Variants in DNAAF11 observed in about 807,000 individuals in gnomAD.
DNAAF11 encodes leucine rich repeat containing 6.
In DNAAF11, 45 loss-of-function variants were observed where a neutral mutation model predicts 60.8. The ratio of observed to expected loss-of-function variants is 0.74; its 90% CI spans 0.58 to 0.95. DNAAF11 has a LOEUF of 0.95. Ranked by LOEUF, DNAAF11 falls within the 40% of genes least tolerant of loss-of-function variation. The pLI is 0.00. For missense variants in DNAAF11, 546 were observed against 546.2 expected (o/e 1.00, Z 0.00); for synonymous variants, 191 against 183.5 (o/e 1.04, Z -0.33).
At chr8:132,691,750 C>A in the DNAAF11 span, among the ~76,000 whole-genome samples, 2 of 152,046 alleles carry the variant, frequency 1.3e-5, no homozygotes, top group Non-Finnish European at 2.9e-5. Flanking sequence ...GAAACCACCC[C>A]CATCATCCAG....
intron 7 of DNAAF11, among the ~76,000 whole-genome samples, chr8:132,615,307 T>C (rs1424317242): frequency 6.6e-6 from 1 of 152,224 alleles, no homozygotes; most frequent in Non-Finnish European, 1.5e-5. Flanking sequence ...GTGTTTACAG[T>C]GTTTAAATGT....
intron 1 of DNAAF11, among the ~76,000 whole-genome samples, chr8:132,669,515 G>T (rs534629869): frequency 1.3e-5 from 2 of 152,328 alleles, no homozygotes; most frequent in South Asian, 4.1e-4. Flanking sequence ...ATATTGTATT[G>T]TATAAAGGCT....
chr8:132,656,551 A>C (rs1823591317), intron 3 of DNAAF11, among the ~76,000 whole-genome samples: 1 of 152,200 alleles, frequency 6.6e-6, no homozygotes, highest in Non-Finnish European at 1.5e-5. Context: ...AGCTCACTGC[A>C]ACCTCCGCCT....
At chr8:132,674,540 A>C (rs1381838601) in intron 1 of DNAAF11, among the ~76,000 whole-genome samples, 1 of 152,260 alleles carries the variant, frequency 6.6e-6, no homozygotes, top group South Asian at 2.1e-4. Context: ...AATGGTTCAT[A>C]CAATATAAAT....
At chr8:132,699,515 G>T in the DNAAF11 span, among the ~76,000 whole-genome samples, 2 of 152,136 alleles carry the variant, frequency 1.3e-5, no homozygotes, top group African/African-American at 4.8e-5. Flanking sequence ...ACTGCAGCCT[G>T]GAAGAGTGAA....
At chr8:132,664,260 G>A (rs1311154061) in intron 1 of DNAAF11, among the ~76,000 whole-genome samples, 1 of 152,176 alleles carries the variant, frequency 6.6e-6, no homozygotes, top group Non-Finnish European at 1.5e-5. Flanking sequence ...ACTTCTGATA[G>A]AATCTTAAGC....
Position 132,632,813 on chromosome 8 carries a change from C to T in DNAAF11, c.580G>A (p.Glu194Lys). 6.2e-7 allele frequency: 1 copy of T among 1,613,982 alleles called. No individual in the cohort carries two copies. The highest frequency in any genetic ancestry group is 8.5e-7 in the Non-Finnish European group (1 of 1,179,912). ...KEEAQRKHQE[E>K]DKNEDKRSNA... ...CTTCTCTTGTCTTCATTTTTATCCT[C>T]TTCTTGGTGTTTCCTCTGAGCCTCT... Residue 194 changes from glutamate (E) to lysine (K), a missense_variant, in exon 5 of 12, where the codon GAG (glutamate) becomes AAG (lysine). Glu to Lys is a moderately conservative substitution (Grantham distance 56, BLOSUM62 1). Coordinates refer to ENST00000620350, the MANE Select transcript of DNAAF11 (RefSeq NM_012472.6).
intron 10 of DNAAF11, among the ~76,000 whole-genome samples, chr8:132,584,739 C>G (rs1279715291): frequency 4.6e-5 from 7 of 152,116 alleles, no homozygotes; most frequent in Non-Finnish European, 7.4e-5. Flanking sequence ...GGGTCATTAT[C>G]TCAAGGGTGA....
intron 10 of DNAAF11, among the ~76,000 whole-genome samples, chr8:132,607,449 G>A (rs537049712): frequency 6.6e-6 from 1 of 152,118 alleles, no homozygotes; most frequent in Non-Finnish European, 1.5e-5. Context: ...GCTGAGCTGG[G>A]AACATCCACT....
At chr8:132,629,706 T>C (rs774238558) in intron 5 of DNAAF11, among the ~76,000 whole-genome samples, 1 of 152,194 alleles carries the variant, frequency 6.6e-6, no homozygotes, top group Non-Finnish European at 1.5e-5. Flanking sequence ...GCAGGCACCA[T>C]GAAGAAAATA....
At chr8:132,599,923 G>T (rs975146157) in intron 10 of DNAAF11, among the ~76,000 whole-genome samples, 1 of 152,136 alleles carries the variant, frequency 6.6e-6, no homozygotes, top group African/African-American at 2.4e-5. Flanking sequence ...TTCTAGCCAG[G>T]ACAATCAGGC....
At chr8:132,590,094 T>C (rs1157371718) in intron 10 of DNAAF11, among the ~76,000 whole-genome samples, 5 of 152,206 alleles carry the variant, frequency 3.3e-5, no homozygotes, top group African/African-American at 9.6e-5. Context: ...TTTGCTCTGC[T>C]CTGTAAATCA....
chr8:132,583,545 A>T, intron 11 of DNAAF11, 149 bp downstream of exon 11: 1 of 640,762 alleles, frequency 1.6e-6, no homozygotes, highest in Non-Finnish European at 2.8e-6. Flanking sequence ...GCAAGAGTCT[A>T]CGGTTTGGGA....
intron 1 of DNAAF11, among the ~76,000 whole-genome samples, chr8:132,670,623 G>A (rs973645956): frequency 1.3e-5 from 2 of 152,014 alleles, no homozygotes; most frequent in African/African-American, 4.8e-5. Context: ...ATTCTATAAG[G>A]TCAGAATTAC....
At chr8:132,663,936 A>G (rs1824376402) in intron 1 of DNAAF11, among the ~76,000 whole-genome samples, 1 of 152,202 alleles carries the variant, frequency 6.6e-6, no homozygotes, top group African/African-American at 2.4e-5. Flanking sequence ...CATGGGTGTT[A>G]GGGGCCAGGA....
At chr8:132,641,835 A>C (rs1298901211) in intron 3 of DNAAF11, among the ~76,000 whole-genome samples, 1 of 152,232 alleles carries the variant, frequency 6.6e-6, no homozygotes, top group Non-Finnish European at 1.5e-5. Context: ...ACTCTAATAC[A>C]TCTATTCAAT....
chr8:132,689,689 G>A, the DNAAF11 span, among the ~76,000 whole-genome samples: 1 of 149,042 alleles, frequency 6.7e-6, no homozygotes, highest in Non-Finnish European at 1.5e-5. Flanking sequence ...ATGTGTGTGT[G>A]TATGTACGTG....
chr8:132,693,721 G>A, the DNAAF11 span, among the ~76,000 whole-genome samples: 3 of 152,136 alleles, frequency 2.0e-5, no homozygotes, highest in Admixed American at 1.3e-4. Flanking sequence ...TTATTTAGGA[G>A]AAGGTGACAT....
At chr8:132,670,457 C>A (rs958027963) in intron 1 of DNAAF11, among the ~76,000 whole-genome samples, 1 of 152,180 alleles carries the variant, frequency 6.6e-6, no homozygotes, top group South Asian at 2.1e-4. Context: ...AGCCCTATAT[C>A]TACTGGATAT....
Sources: gnomAD v4.1 joint callset for allele counts (sites outside exome capture counted in the v4.1 genomes callset) on GRCh38, gnomAD v4.1.1 for gene constraint, MANE v1.5 for transcripts, NCBI Gene and HGNC (gene_info 2026-07-23, HGNC 2026-07-21) for gene names.